Variants in CLCN5 observed in about 807,000 individuals in gnomAD.
CLCN5 encodes the protein Cl-/H+ antiporter 5.
Under a neutral mutation model 54.0 loss-of-function variants are expected in CLCN5, and 17 were observed. The ratio of observed to expected loss-of-function variants is 0.31; its 90% CI spans 0.22 to 0.47. The LOEUF (loss-of-function observed/expected upper bound fraction) is 0.47. Ranked by LOEUF, CLCN5 falls within the 20% of genes least tolerant of loss-of-function variation. The pLI is 1.00. For missense variants in CLCN5, 448 were observed against 646.7 expected (o/e 0.69, Z 3.33); for synonymous variants, 222 against 233.0 (o/e 0.95, Z 0.43).
At chrX:49,964,058 T>G (rs1347903302) in intron 3 of CLCN5, among the ~76,000 whole-genome samples, 1 of 112,164 alleles carries the variant, frequency 8.9e-6, no homozygotes, top group Admixed American at 9.5e-5. Flanking sequence ...CCAGCAACCA[T>G]TTATTGAGCA....
At chrX:49,973,471 G>A (rs990029813) in intron 3 of CLCN5, among the ~76,000 whole-genome samples, 10 of 107,233 alleles carry the variant, frequency 9.3e-5, no homozygotes, top group Non-Finnish European at 1.7e-4. Flanking sequence ...CCATTAACTC[G>A]TCATTTAGCA....
intron 11 of CLCN5, among the ~76,000 whole-genome samples, chrX:50,087,146 A>G (rs1333570775): frequency 8.9e-6 from 1 of 111,747 alleles, no homozygotes; most frequent in Non-Finnish European, 1.9e-5. Context: ...TGTGGAAAAC[A>G]TATTTTGCCC....
intron 3 of CLCN5, among the ~76,000 whole-genome samples, chrX:50,019,193 A>G (rs1297997910): frequency 3.6e-5 from 4 of 111,446 alleles, no homozygotes; most frequent in Admixed American, 2.9e-4. Flanking sequence ...AGGAGAATTG[A>G]TCCATTTCAT....
chrX:49,982,883 G>GT (rs1193342659), intron 3 of CLCN5, among the ~76,000 whole-genome samples: 1 of 111,543 alleles, frequency 9.0e-6, no homozygotes, highest in African/African-American at 3.3e-5. Context: ...TCATTTCCAT[G>GT]TATTAGTGTG....
intron 3 of CLCN5, among the ~76,000 whole-genome samples, chrX:49,935,613 A>G (rs1205272358): frequency 7.2e-5 from 8 of 111,868 alleles, no homozygotes; most frequent in African/African-American, 2.6e-4. Flanking sequence ...TATAGAGAGA[A>G]GAAGGGAATG....
At chrX:49,939,437 A>T (rs1288360515) in intron 3 of CLCN5, among the ~76,000 whole-genome samples, 6 of 111,630 alleles carry the variant, frequency 5.4e-5, no homozygotes, top group Non-Finnish European at 1.1e-4. Flanking sequence ...ACACATATAC[A>T]CGATGGGATA....
chrX:50,041,638 C>T (rs1195199082), intron 3 of CLCN5, among the ~76,000 whole-genome samples: 1 of 111,458 alleles, frequency 9.0e-6, no homozygotes, highest in Non-Finnish European at 1.9e-5. Context: ...GTTTTTATTT[C>T]AGTTGATTAC....
At chrX:49,940,815 G>A (rs1270529006) in intron 3 of CLCN5, among the ~76,000 whole-genome samples, 1 of 111,075 alleles carries the variant, frequency 9.0e-6, no homozygotes, top group African/African-American at 3.3e-5. Flanking sequence ...CCATTACCTT[G>A]ATTGATTGGG....
At chrX:49,923,059 G>A in intron 1 of CLCN5, among the ~76,000 whole-genome samples, 1 of 113,175 alleles carries the variant, frequency 8.8e-6, no homozygotes. Flanking sequence ...GGTTGCCCGA[G>A]CGAAGTTTCC....
intron 4 of CLCN5, among the ~76,000 whole-genome samples, chrX:50,061,169 C>T (rs1448989910): frequency 3.3e-5 from 2 of 61,444 alleles, no homozygotes; most frequent in African/African-American, 8.4e-5. Flanking sequence ...ATGATTTTGA[C>T]GAGCTGAGAG....
At chrX:50,072,704 T>G (rs781819779) in intron 6 of CLCN5, 116 bp downstream of exon 6, 28 of 566,044 alleles carry the variant, frequency 4.9e-5, no homozygotes, top group Non-Finnish European at 7.7e-5. Context: ...TTAAATGAAT[T>G]GCTGGTGAAC....
chrX:50,062,921 C>T (rs1481025914), intron 4 of CLCN5, among the ~76,000 whole-genome samples: 2 of 108,426 alleles, frequency 1.8e-5, no homozygotes, highest in African/African-American at 3.5e-5. Context: ...GGGTAAATAA[C>T]GAAATGAAGG....
intron 3 of CLCN5, among the ~76,000 whole-genome samples, chrX:49,960,290 CTGAG>C (rs202135501): frequency 0.021 from 2,307 of 111,160 alleles, 27 homozygotes; most frequent in Non-Finnish European, 0.029. Context: ...TCCCAGGCTG[CTGAG>C]TAAGTACTAG....
intron 6 of CLCN5, among the ~76,000 whole-genome samples, chrX:50,073,285 G>T (rs1933289585): frequency 9.0e-6 from 1 of 111,725 alleles, no homozygotes; most frequent in Non-Finnish European, 1.9e-5. Flanking sequence ...TAAAGGATAG[G>T]GCCTAGGCAA....
intron 11 of CLCN5, 122 bp downstream of exon 11, chrX:50,086,992 C>G: frequency 4.7e-6 from 3 of 644,669 alleles, no homozygotes; most frequent in East Asian, 6.9e-5. Flanking sequence ...TCACATTATT[C>G]CCCCACCCCC....
At chrX:50,064,053 A>G (rs1167865950) in intron 4 of CLCN5, among the ~76,000 whole-genome samples, 7 of 105,036 alleles carry the variant, frequency 6.7e-5, no homozygotes, top group Non-Finnish European at 7.8e-5. Context: ...AGCCAATATC[A>G]TACTGAATGG....
At chrX:50,003,767 T>A (rs1930005995) in intron 3 of CLCN5, among the ~76,000 whole-genome samples, 1 of 110,984 alleles carries the variant, frequency 9.0e-6, no homozygotes, top group Non-Finnish European at 1.9e-5. Flanking sequence ...CTCTTGCACA[T>A]GGTGCAGCCC....
intron 3 of CLCN5, among the ~76,000 whole-genome samples, chrX:50,016,814 A>G: frequency 9.3e-6 from 1 of 107,541 alleles, no homozygotes; most frequent in Admixed American, 1.0e-4. Flanking sequence ...AGAATGTCAT[A>G]TAGTTAGAAT....
rs186567619 is a variant in CLCN5, at chrX:50,093,221, A to C, written c.*1002A>C. On this transcript the variant is annotated 3_prime_UTR_variant, in exon 15 of 15. Coordinates refer to ENST00000376091, the MANE Select transcript of CLCN5 (RefSeq NM_001127898.4). ...CCAAGTCTAGACTGCATACTGGTAA[A>C]CCAGGGAAGACTCAGAACTGCATAT... 8.9e-6 allele frequency: 1 copy of C among 112,193 alleles called. No homozygotes were observed. Among genetic ancestry groups the C allele is most frequent in the Non-Finnish European group, 1.9e-5 (1 of 53,260 alleles). 9.2% of individuals were successfully genotyped at this position (112,193 alleles called of 1,213,427 possible).
Sources: allele counts gnomAD v4.1 joint callset (sites outside exome capture counted in the v4.1 genomes callset), GRCh38; gene constraint gnomAD v4.1.1; transcripts MANE v1.5; gene names NCBI Gene and HGNC (gene_info 2026-07-23, HGNC 2026-07-21).